TBC1D22B: variants seen among roughly 807,000 people sequenced by gnomAD.
TBC1D22B encodes chromosome 6 open reading frame 197.
In TBC1D22B, 32 loss-of-function variants were observed where a neutral mutation model predicts 69.1. The ratio of observed to expected loss-of-function variants is 0.46; its 90% CI spans 0.35 to 0.62. The LOEUF (loss-of-function observed/expected upper bound fraction) is 0.62, where lower values mean the gene tolerates loss of function less well. Ranked by LOEUF, TBC1D22B falls within the 20% of genes least tolerant of loss-of-function variation. The pLI, the probability that TBC1D22B is intolerant of heterozygous loss-of-function variation, is 0.00. For missense variants in TBC1D22B, 462 were observed against 630.9 expected, an observed-to-expected ratio of 0.73 and a Z score of 2.87; for synonymous variants, 206 against 229.8, an observed-to-expected ratio of 0.90 and a Z score of 0.94.
intron 9 of TBC1D22B, 23 bp from the exon 10 acceptor site, chr6:37,313,793 C>T (rs748704579): frequency 1.9e-6 from 3 of 1,612,110 alleles, no homozygotes; most frequent in South Asian, 1.1e-5. Flanking sequence ...CCATGTTCAT[C>T]CTGGGCTCTG....
At chr6:37,297,882 C>G (rs1386251610) in intron 8 of TBC1D22B, among the ~76,000 whole-genome samples, 1 of 152,158 alleles carries the variant, frequency 6.6e-6, no homozygotes, top group Non-Finnish European at 1.5e-5. Context: ...AGAATGAGTT[C>G]ATGTCCTTTG....
chr6:37,313,455 A>C (rs982480492), intron 9 of TBC1D22B, among the ~76,000 whole-genome samples: 7 of 150,598 alleles, frequency 4.6e-5, no homozygotes, highest in Non-Finnish European at 7.4e-5. Flanking sequence ...ACACCACTGC[A>C]CTCCAGCCTG....
At chr6:37,294,314 C>T (rs1001972539) in intron 8 of TBC1D22B, among the ~76,000 whole-genome samples, 4 of 152,114 alleles carry the variant, frequency 2.6e-5, no homozygotes, top group Non-Finnish European at 5.9e-5. Flanking sequence ...TGCAGATGCA[C>T]ACCCACCACA....
chr6:37,294,757 G>T (rs898914276), intron 8 of TBC1D22B, among the ~76,000 whole-genome samples: 1 of 152,142 alleles, frequency 6.6e-6, no homozygotes, highest in Non-Finnish European at 1.5e-5. Flanking sequence ...CACAAAAAAA[G>T]ATTTCTTTTA....
At chr6:37,266,133 C>T (rs1766262921) in intron 1 of TBC1D22B, among the ~76,000 whole-genome samples, 1 of 152,182 alleles carries the variant, frequency 6.6e-6, no homozygotes, top group African/African-American at 2.4e-5. Context: ...CCCACTTAAA[C>T]CTTCTAACCT....
At chr6:37,286,937 T>G in intron 6 of TBC1D22B, 70 bp from the exon 7 acceptor site, 1 of 1,407,536 alleles carries the variant, frequency 7.1e-7, no homozygotes, top group East Asian at 2.4e-5. Context: ...AGAGCGAGAC[T>G]TCATCTCAAA....
chr6:37,307,544 C>T (rs895047616), intron 8 of TBC1D22B, among the ~76,000 whole-genome samples: 4 of 151,902 alleles, frequency 2.6e-5, no homozygotes, highest in Admixed American at 6.6e-5. Flanking sequence ...TTGGTAGAGA[C>T]GGGGTTTCAC....
chr6:37,308,915 C>G (rs1348032614), intron 8 of TBC1D22B, among the ~76,000 whole-genome samples: 2 of 147,152 alleles, frequency 1.4e-5, no homozygotes, highest in East Asian at 4.0e-4. Context: ...TCAAGACCAG[C>G]CTAGGCAATA....
intron 2 of TBC1D22B, among the ~76,000 whole-genome samples, chr6:37,270,922 A>G (rs967982706): frequency 1.3e-5 from 2 of 152,142 alleles, no homozygotes; most frequent in Non-Finnish European, 2.9e-5. Context: ...GACAGTGAGA[A>G]GATCAGTTGC....
At chr6:37,283,428 G>A (rs1404460480) in intron 5 of TBC1D22B, among the ~76,000 whole-genome samples, 1 of 152,224 alleles carries the variant, frequency 6.6e-6, no homozygotes, top group Non-Finnish European at 1.5e-5. Context: ...TCCTGAGCCT[G>A]TAAAATTCAT....
intron 2 of TBC1D22B, among the ~76,000 whole-genome samples, chr6:37,277,375 A>C (rs896046602): frequency 2.0e-5 from 3 of 152,044 alleles, no homozygotes; most frequent in African/African-American, 7.3e-5. Context: ...GTCCCCTTTT[A>C]CAAAGGAGAA....
chr6:37,267,422 A>C (rs1766327129), intron 1 of TBC1D22B, among the ~76,000 whole-genome samples: 1 of 131,532 alleles, frequency 7.6e-6, no homozygotes, highest in African/African-American at 3.3e-5. Flanking sequence ...ATATATACAC[A>C]TATAATATAT....
chr6:37,283,748 T>A (rs1302124783), intron 5 of TBC1D22B, among the ~76,000 whole-genome samples: 1 of 152,148 alleles, frequency 6.6e-6, no homozygotes, highest in East Asian at 1.9e-4. Flanking sequence ...AGACCAGGGA[T>A]AAGAATGAAA....
intron 8 of TBC1D22B, among the ~76,000 whole-genome samples, chr6:37,308,673 C>T (rs1418105222): frequency 2.0e-5 from 3 of 152,160 alleles, no homozygotes; most frequent in Admixed American, 6.5e-5. Flanking sequence ...AACTTATGAC[C>T]TCATGTTGTT....
At chr6:37,298,325 A>G (rs1272958285) in intron 8 of TBC1D22B, among the ~76,000 whole-genome samples, 1 of 152,134 alleles carries the variant, frequency 6.6e-6, no homozygotes, top group African/African-American at 2.4e-5. Flanking sequence ...AGCTGCATAC[A>G]TTGTTTTTCT....
At chr6:37,265,174 A>G (rs760112164) in intron 1 of TBC1D22B, among the ~76,000 whole-genome samples, 2 of 152,208 alleles carry the variant, frequency 1.3e-5, no homozygotes, top group Non-Finnish European at 2.9e-5. Context: ...GAAGTCCATC[A>G]TTTATCTTAG....
intron 8 of TBC1D22B, among the ~76,000 whole-genome samples, chr6:37,301,375 G>A (rs1454009107): frequency 2.6e-5 from 4 of 152,124 alleles, no homozygotes; most frequent in Non-Finnish European, 5.9e-5. Context: ...AAGAACACTC[G>A]TACTCTTTAG....
intron 2 of TBC1D22B, among the ~76,000 whole-genome samples, chr6:37,272,693 C>G (rs1487163366): frequency 6.6e-6 from 1 of 152,152 alleles, no homozygotes; most frequent in Non-Finnish European, 1.5e-5. Context: ...TGGCTGTTAG[C>G]TCTTAAGGGG....
At chr6:37,276,663 G>A (rs548421816) in intron 2 of TBC1D22B, among the ~76,000 whole-genome samples, 116 of 152,226 alleles carry the variant, frequency 7.6e-4, no homozygotes, top group Admixed American at 2.2e-3. Context: ...AGGCATGGTG[G>A]CTCATACTTG....
Sources: allele counts gnomAD v4.1 joint callset (sites outside exome capture counted in the v4.1 genomes callset), GRCh38; gene constraint gnomAD v4.1.1; transcripts MANE v1.5; gene names NCBI Gene and HGNC (gene_info 2026-07-23, HGNC 2026-07-21).